Variants in TIMD4 observed in about 807,000 individuals in gnomAD.
TIMD4 encodes T-cell immunoglobulin and mucin domain-containing protein 4.
TIMD4 carries 31 observed loss-of-function variants against 41.2 expected under a neutral mutation model. The observed-to-expected ratio is 0.75, with a 90% confidence interval of 0.57 to 1.01. TIMD4 has a LOEUF of 1.01. Among genes scored for constraint, TIMD4 ranks in the 50% least tolerant of loss-of-function variants. The pLI, the probability that TIMD4 is intolerant of heterozygous loss-of-function variation, is 0.00. For missense variants in TIMD4, 479 were observed against 472.5 expected (o/e 1.01, Z -0.13); for synonymous variants, 204 against 177.1 (o/e 1.15, Z -1.21).
chr5:156,961,142 C>T (rs1427871500), intron 1 of TIMD4, among the ~76,000 whole-genome samples: 1 of 152,192 alleles, frequency 6.6e-6, no homozygotes, highest in Non-Finnish European at 1.5e-5. Flanking sequence ...TTTAACATTG[C>T]TAATCACTGG....
chr5:156,962,801 A>T (rs2113405664), intron 1 of TIMD4, among the ~76,000 whole-genome samples: 1 of 152,286 alleles, frequency 6.6e-6, no homozygotes, highest in South Asian at 2.1e-4. Flanking sequence ...ACCAGAACAA[A>T]TTCTCCTGGC....
chr5:156,933,765 G>C (rs1581615609), intron 5 of TIMD4, among the ~76,000 whole-genome samples: 1 of 152,164 alleles, frequency 6.6e-6, no homozygotes. Context: ...TGTTGGCCAG[G>C]CTGGTCTCAA....
Position 156,919,437 on chromosome 5 carries a change from T to G in TIMD4, c.*20A>C. On this transcript the variant is annotated 3_prime_UTR_variant, in exon 9 of 9. Coordinates refer to ENST00000274532, the MANE Select transcript of TIMD4 (RefSeq NM_138379.3). ...TGGAGTGTCATGCCCCCATCCTCAA[T>G]CTAACATGCTACTGCGTTGTTAGAG... 9.3e-6 allele frequency: 15 copies of G among 1,610,372 alleles called. No homozygotes were observed. The highest frequency in any genetic ancestry group is 1.3e-5 in the Non-Finnish European group (15 of 1,176,680).
intron 5 of TIMD4, among the ~76,000 whole-genome samples, chr5:156,937,841 A>C (rs1759568678): frequency 6.6e-6 from 1 of 152,232 alleles, no homozygotes; most frequent in African/African-American, 2.4e-5. Flanking sequence ...CGGGCTACCA[A>C]CTGATTCAAG....
intron 5 of TIMD4, among the ~76,000 whole-genome samples, chr5:156,947,491 G>A (rs1272343898): frequency 6.6e-6 from 1 of 152,188 alleles, no homozygotes; most frequent in African/African-American, 2.4e-5. Context: ...CATGTGCTAG[G>A]ATGTTCACTG....
intron 6 of TIMD4, chr5:156,924,004 A>AT (rs1319400245): frequency 2.0e-3 from 355 of 180,958 alleles, no homozygotes; most frequent in South Asian, 3.8e-3. Flanking sequence ...ACACTCGGCT[A>AT]TTTTTTTTTT....
chr5:156,919,632 T>G, intron 8 of TIMD4, 91 bp from the exon 9 acceptor site: 1 of 1,036,282 alleles, frequency 9.6e-7, no homozygotes, highest in East Asian at 2.5e-5. Context: ...GCAATTACCC[T>G]TAAAGTTCAA....
chr5:156,948,537 G>T, intron 4 of TIMD4, 38 bp from the exon 5 acceptor site: 1 of 1,407,182 alleles, frequency 7.1e-7, no homozygotes, highest in Non-Finnish European at 9.6e-7. Flanking sequence ...ACAGACTTAG[G>T]TAAATGCTTG....
chr5:156,923,584 C>G (rs1759292241), intron 6 of TIMD4, among the ~76,000 whole-genome samples: 1 of 151,900 alleles, frequency 6.6e-6, no homozygotes, highest in Non-Finnish European at 1.5e-5. Context: ...CTTGCCCAGG[C>G]TGGAGTGCAG....
intron 5 of TIMD4, among the ~76,000 whole-genome samples, chr5:156,946,147 A>G (rs1016316182): frequency 6.6e-6 from 1 of 152,198 alleles, no homozygotes; most frequent in Admixed American, 6.5e-5. Context: ...AAAATAGTCC[A>G]AGATTTAAAT....
intron 7 of TIMD4, among the ~76,000 whole-genome samples, chr5:156,921,152 G>A (rs905065105): frequency 1.3e-5 from 2 of 152,040 alleles, no homozygotes; most frequent in African/African-American, 4.8e-5. Flanking sequence ...GGATGGAGGT[G>A]CAAGGTCATG....
chr5:156,951,750 G>C lies in TIMD4; in HGVS notation c.441C>G (p.Arg147=), dbSNP rs1004258064. The C allele has an allele frequency of 1.9e-6, 3 of 1,613,966 alleles. No individual in the cohort carries two copies. In the African/African-American group the frequency reaches 4.0e-5, roughly 22 times the overall value. The stretch of plus-strand genomic sequence containing the variant: ...TGGTGGGGCTTGTTGTTGTTGTTCT[G>C]CGTGTGGTGGTGGTTGCTGTTCTGT... ...TTHRTATTTT[R]RTTTTSPTTT... Residue 147 remains arginine, a synonymous_variant, in exon 3 of 9, where the codon CGC becomes CGG. Transcript: ENST00000274532.
chr5:156,961,061 G>A (rs1760072758), intron 1 of TIMD4, among the ~76,000 whole-genome samples: 3 of 152,144 alleles, frequency 2.0e-5, no homozygotes, highest in Admixed American at 2.0e-4. Flanking sequence ...TTCAAATATG[G>A]GTGTTTTCTC....
chr5:156,919,831 G>T (rs1007253337), intron 8 of TIMD4, among the ~76,000 whole-genome samples: 2 of 152,106 alleles, frequency 1.3e-5, no homozygotes, highest in African/African-American at 4.8e-5. Flanking sequence ...AGGTCACCTC[G>T]CTGGGTGTCA....
chr5:156,956,673 T>C (rs1306357811), intron 1 of TIMD4, among the ~76,000 whole-genome samples: 1 of 152,184 alleles, frequency 6.6e-6, no homozygotes, highest in Non-Finnish European at 1.5e-5. Context: ...AGCCCATTGG[T>C]TTAATTGTGC....
intron 1 of TIMD4, among the ~76,000 whole-genome samples, chr5:156,956,882 AG>A (rs1561555464): frequency 6.6e-6 from 1 of 152,190 alleles, no homozygotes; most frequent in African/African-American, 2.4e-5. Context: ...GCTAAGTTAT[AG>A]AAGGCATGGC....
intron 5 of TIMD4, among the ~76,000 whole-genome samples, chr5:156,931,008 G>T (rs73293058): frequency 0.013 from 1,912 of 152,202 alleles, 51 homozygotes; most frequent in African/African-American, 0.045. Context: ...CTTATGAGGA[G>T]GTGGCAAGAA....
chr5:156,949,659 G>A lies in TIMD4; in HGVS notation c.752C>T (p.Thr251Ile), dbSNP rs1759815777. 1.9e-6 allele frequency: 3 copies of A among 1,611,630 alleles called. No homozygotes were observed. The highest frequency in any genetic ancestry group is 2.2e-5 in the South Asian group (2 of 91,036). Residue 251 changes from threonine to isoleucine, a missense_variant, in exon 4 of 9, where the codon ACA (threonine) becomes ATA (isoleucine). Thr to Ile is a moderately conservative substitution (Grantham distance 89). Coordinates refer to ENST00000274532, the MANE Select transcript of TIMD4 (RefSeq NM_138379.3). Reference sequence around the variant, plus strand: ...AGTGAGTGTCTGCACACCTTTGGATGTCAGCAGGACAGTGTCAGCAGAAGT... The same window carrying A: ...AGTGAGTGTCTGCACACCTTTGGATATCAGCAGGACAGTGTCAGCAGAAGT... ...ESTSADTVLL[T>I]SKESKVWDLP... is the part of the protein sequence containing the mutation.
intron 6 of TIMD4, among the ~76,000 whole-genome samples, chr5:156,924,948 CCT>C (rs1759318578): frequency 6.6e-6 from 1 of 151,960 alleles, no homozygotes; most frequent in African/African-American, 2.4e-5. Flanking sequence ...CTTAGAACTC[CCT>C]GTACTCATGT....
Sources: allele counts gnomAD v4.1 joint callset (sites outside exome capture counted in the v4.1 genomes callset), GRCh38; gene constraint gnomAD v4.1.1; transcripts MANE v1.5; gene names NCBI Gene and HGNC (gene_info 2026-07-23, HGNC 2026-07-21).